ACVR1B: variants seen among roughly 807,000 people sequenced by gnomAD.
The protein encoded by ACVR1B is activin receptor type-1B.
In ACVR1B, 15 loss-of-function variants were observed where a neutral mutation model predicts 55.6. The observed-to-expected ratio is 0.27, with a 90% CI of 0.18 to 0.42. The LOEUF (loss-of-function observed/expected upper bound fraction) is 0.42, where lower values mean the gene tolerates loss of function less well. Among genes scored for constraint, ACVR1B ranks in the 10% least tolerant of loss-of-function variants. The pLI is 1.00. For missense variants in ACVR1B, 359 were observed against 670.1 expected (o/e 0.54, Z 5.13); for synonymous variants, 247 against 254.6 (o/e 0.97, Z 0.28).
At chr12:51,980,664 T>C (rs1263306832) in intron 3 of ACVR1B, among the ~76,000 whole-genome samples, 2 of 152,214 alleles carry the variant, frequency 1.3e-5, no homozygotes, top group Non-Finnish European at 2.9e-5. Flanking sequence ...TTGGTAAATC[T>C]GGTCAAACAT....
chr12:51,958,354 A>G (rs546645855), intron 1 of ACVR1B, among the ~76,000 whole-genome samples: 1 of 152,220 alleles, frequency 6.6e-6, no homozygotes, highest in Admixed American at 6.5e-5. Flanking sequence ...GAAGTAGGGG[A>G]GATATGATTT....
intron 1 of ACVR1B, among the ~76,000 whole-genome samples, chr12:51,954,138 G>A (rs1941365373): frequency 1.3e-5 from 2 of 152,108 alleles, no homozygotes; most frequent in South Asian, 2.1e-4. Context: ...GCTCCCCTAC[G>A]TGGGCTGGAG....
Position 51,976,415 on chromosome 12 carries a change from C to G in ACVR1B, c.420C>G (p.Leu140=). The stretch of plus-strand genomic sequence containing the variant: ...CCGGCCCGGTGTTCCTCCTGTTCCT[C>G]ATCATCATCATTGTTTTCCTTGTCA... The part of the protein sequence containing the change: ...IIAGPVFLLF[L]IIIIVFLVIN... The change falls in exon 3 of 9, where the codon CTC becomes CTG. Residue 140 remains leucine, a synonymous_variant. Coordinates refer to ENST00000257963, the MANE Select transcript of ACVR1B (RefSeq NM_004302.5). The G allele has an allele frequency of 6.2e-7, 1 of 1,614,078 alleles. No homozygotes were observed. Among genetic ancestry groups the G allele is most frequent in the Non-Finnish European group, 8.5e-7 (1 of 1,179,934 alleles).
At chr12:51,984,502 A>G (rs1942042218) in intron 5 of ACVR1B, among the ~76,000 whole-genome samples, 3 of 152,224 alleles carry the variant, frequency 2.0e-5, no homozygotes, top group Admixed American at 2.0e-4. Context: ...CTAAAAAGAT[A>G]AACCAGTGTA....
chr12:51,963,402 G>A (rs931704234), intron 1 of ACVR1B, among the ~76,000 whole-genome samples: 8 of 152,048 alleles, frequency 5.3e-5, no homozygotes, highest in Admixed American at 2.6e-4. Flanking sequence ...GCGCCACCGC[G>A]CCCAGTTAAT....
chr12:51,988,503 C>T (rs1364331072), intron 7 of ACVR1B, among the ~76,000 whole-genome samples: 1 of 152,144 alleles, frequency 6.6e-6, no homozygotes, highest in Non-Finnish European at 1.5e-5. Context: ...AATCTGGTCA[C>T]ACAGGTCTTA....
At chr12:51,965,260 A>G (rs957531709) in intron 1 of ACVR1B, among the ~76,000 whole-genome samples, 5 of 152,214 alleles carry the variant, frequency 3.3e-5, no homozygotes, top group African/African-American at 1.2e-4. Context: ...CCTCTACATT[A>G]TATATTTCTG....
intron 1 of ACVR1B, among the ~76,000 whole-genome samples, chr12:51,952,988 T>G (rs1013888831): frequency 2.6e-5 from 4 of 152,084 alleles, no homozygotes; most frequent in African/African-American, 7.2e-5. Context: ...CCTAAAATAT[T>G]TCATTTAAGA....
chr12:51,994,025 A>G lies in ACVR1B; in HGVS notation c.1433A>G (p.Tyr478Cys). 6.2e-7 allele frequency: 1 copy of G among 1,614,144 alleles called. No homozygotes were observed. The highest frequency in any genetic ancestry group is 1.1e-5 in the South Asian group (1 of 91,090). Residue 478 changes from tyrosine (Y) to cysteine (C), a missense_variant, in exon 9 of 9, where the codon TAT (tyrosine) becomes TGT (cysteine). Physicochemically the swap from Tyr to Cys is radical, Grantham distance 194. Coordinates refer to ENST00000257963, the MANE Select transcript of ACVR1B (RefSeq NM_004302.5). The surrounding 1 kb of genome is among the most constrained non-coding windows in gnomAD (Gnocchi z 4.2). ...VMGKMMRECW[Y>C]ANGAARLTAL... ...GGGAAGATGATGCGAGAGTGTTGGT[A>G]TGCCAACGGCGCAGCCCGCCTGACG... is the stretch of plus-strand genomic sequence containing the variant.
Position 51,986,407 on chromosome 12 carries a change from T to C in ACVR1B, c.1137-411T>C, listed in dbSNP as rs558226859. Reference sequence around the variant, plus strand: ...CCGAGTAGCTGGGATTACAGGCGCCTGCCACCATGCCTGGCTAATTTTTTG... The same window carrying C: ...CCGAGTAGCTGGGATTACAGGCGCCCGCCACCATGCCTGGCTAATTTTTTG... On this transcript the variant is annotated intron_variant, in intron 6 of 8. Transcript: ENST00000257963. Among the ~76,000 whole-genome samples the C allele has an allele frequency of 2.6e-4, 40 of 152,256 alleles. No individual in the cohort carries two copies. The South Asian group carries it at 7.5e-3, about 28-fold the overall frequency.
Position 51,966,070 on chromosome 12 carries a change from AAAAG to A in ACVR1B, c.92-9183_92-9180del, listed in dbSNP as rs561454249. Among the ~76,000 whole-genome samples the A allele has an allele frequency of 6.4e-3, 976 of 152,312 alleles. 5 individuals are homozygous for A. Among genetic ancestry groups the A allele is most frequent in the Admixed American group, 0.013 (192 of 15,300 alleles). Reference sequence around the variant, plus strand: ...AGAAGAGGAAAATACTACTAAAAAAAAAAGAAAGAAAGAAAAAAGAATTAACATC... The same window carrying A: ...AGAAGAGGAAAATACTACTAAAAAAAAAAGAAAGAAAAAAGAATTAACATC... On this transcript the variant is annotated intron_variant, in intron 1 of 8. Transcript: ENST00000257963.
Position 51,994,134 on chromosome 12 carries a change from C to T in ACVR1B, c.*24C>T. ...AACTGCTCCCTCTCTCCACACGGAG[C>T]TCCTGGCAGCGAGAACTACGCACAG... is the stretch of plus-strand genomic sequence containing the variant. On this transcript the variant is annotated 3_prime_UTR_variant, in exon 9 of 9. Transcript: ENST00000257963. The surrounding 1 kb of genome is among the most constrained non-coding windows in gnomAD (Gnocchi z 4.2). 1 of 1,610,610 alleles carries T rather than the reference C, an allele frequency of 6.2e-7. No homozygotes were observed.
chr12:51,959,045 C>T (rs1323684740), intron 1 of ACVR1B, among the ~76,000 whole-genome samples: 1 of 152,194 alleles, frequency 6.6e-6, no homozygotes, highest in Non-Finnish European at 1.5e-5. Context: ...GTGAGGTGGA[C>T]AATAAACAAA....
intron 7 of ACVR1B, among the ~76,000 whole-genome samples, chr12:51,988,052 T>C (rs1391469316): frequency 1.3e-5 from 2 of 152,258 alleles, no homozygotes; most frequent in African/African-American, 4.8e-5. Context: ...AACTGTTTTG[T>C]ATATTAATAC....
At chr12:51,975,720 A>C (rs1048997807) in intron 2 of ACVR1B, among the ~76,000 whole-genome samples, 1 of 152,202 alleles carries the variant, frequency 6.6e-6, no homozygotes, top group Admixed American at 6.5e-5. Flanking sequence ...AGGTGCCCGC[A>C]GTGTTTAGAG....
At chr12:51,977,388 G>A (rs529250748) in intron 3 of ACVR1B, among the ~76,000 whole-genome samples, 1 of 152,150 alleles carries the variant, frequency 6.6e-6, no homozygotes, top group Admixed American at 6.5e-5. Context: ...ACCTCCACCT[G>A]CCTGGTTCAA....
chr12:51,971,959 T>A (rs190440459), intron 1 of ACVR1B, among the ~76,000 whole-genome samples: 1 of 152,360 alleles, frequency 6.6e-6, no homozygotes, highest in Admixed American at 6.5e-5. Context: ...AGCTGAAACT[T>A]GAACAGCAGT....
At chr12:51,986,972 C>T (rs963383019) in intron 7 of ACVR1B, 30 bp downstream of exon 7, 35 of 1,614,206 alleles carry the variant, frequency 2.2e-5, no homozygotes, top group Non-Finnish European at 2.9e-5. Context: ...TTGCTCCTAC[C>T]TCCCATTCCA....
intron 4 of ACVR1B, among the ~76,000 whole-genome samples, chr12:51,981,551 G>A (rs1273113604): frequency 6.6e-6 from 1 of 152,202 alleles, no homozygotes; most frequent in African/African-American, 2.4e-5. Flanking sequence ...ACTAGGATGG[G>A]CTGGGCGCGG....
Sources: gnomAD v4.1 joint callset for allele counts (sites outside exome capture counted in the v4.1 genomes callset) on GRCh38, gnomAD v4.1.1 for gene constraint, Gnocchi (gnomAD v3.1) non-coding constraint, MANE v1.5 for transcripts, NCBI Gene and HGNC (gene_info 2026-07-23, HGNC 2026-07-21) for gene names.